Variants in WDR27 observed in about 807,000 individuals in gnomAD.
WDR27 encodes WD repeat domain 27, also known as WD repeat-containing protein 27.
WDR27 carries 100 observed loss-of-function variants against 114.4 expected under a neutral mutation model. The ratio of observed to expected loss-of-function variants is 0.87; its 90% CI spans 0.74 to 1.03. The LOEUF is 1.03. WDR27 is among the 50% of genes least tolerant of loss of function. WDR27 has a pLI of 0.00. For synonymous variants in WDR27, 449 were observed against 423.1 expected (o/e 1.06, Z -0.75); for missense variants, 1,129 against 1,092.9 (o/e 1.03, Z -0.47).
intron 25 of WDR27, among the ~76,000 whole-genome samples, chr6:169,563,621 G>A (rs1799991053): frequency 6.6e-6 from 1 of 152,212 alleles, no homozygotes; most frequent in Non-Finnish European, 1.5e-5. Context: ...CCTGGCCACA[G>A]GGATGCAGCC....
chr6:169,623,630 G>C (rs570340301), intron 21 of WDR27, among the ~76,000 whole-genome samples: 1 of 152,182 alleles, frequency 6.6e-6, no homozygotes, highest in Non-Finnish European at 1.5e-5. Flanking sequence ...GAGCCATGGT[G>C]GGGGAGCATC....
intron 25 of WDR27, among the ~76,000 whole-genome samples, chr6:169,476,103 A>C (rs770800028): frequency 5.3e-5 from 8 of 152,348 alleles, no homozygotes; most frequent in Non-Finnish European, 1.0e-4. Context: ...TGCATGTCTG[A>C]CATAATGTAA....
intron 23 of WDR27, among the ~76,000 whole-genome samples, chr6:169,596,357 T>A (rs985575308): frequency 6.6e-6 from 1 of 152,012 alleles, no homozygotes; most frequent in East Asian, 1.9e-4. Flanking sequence ...CCTATTGTGC[T>A]CTCTGTATTT....
chr6:169,680,193 A>G (rs979111319), intron 2 of WDR27, among the ~76,000 whole-genome samples: 20 of 152,246 alleles, frequency 1.3e-4, no homozygotes, highest in African/African-American at 4.8e-4. Context: ...AGACGGAAAC[A>G]TGCATGTACA....
chr6:169,500,226 C>T (rs1327353897), intron 25 of WDR27, among the ~76,000 whole-genome samples: 2 of 152,094 alleles, frequency 1.3e-5, no homozygotes, highest in African/African-American at 4.8e-5. Context: ...TTTAGCTCAC[C>T]AGTTTGGCCT....
chr6:169,545,794 G>GT (rs1274219180), intron 25 of WDR27, among the ~76,000 whole-genome samples: 1 of 151,974 alleles, frequency 6.6e-6, no homozygotes, highest in Non-Finnish European at 1.5e-5. Context: ...CAAAACACTA[G>GT]TATCTAGACT....
At chr6:169,547,012 T>C (rs1226903173) in intron 25 of WDR27, among the ~76,000 whole-genome samples, 2 of 152,120 alleles carry the variant, frequency 1.3e-5, no homozygotes, top group South Asian at 2.1e-4. Context: ...AGTACAGATC[T>C]TATAATATAA....
At chr6:169,481,183 T>C (rs1157819172) in intron 25 of WDR27, among the ~76,000 whole-genome samples, 5 of 152,070 alleles carry the variant, frequency 3.3e-5, no homozygotes, top group Admixed American at 2.0e-4. Context: ...GTCTAGCTAA[T>C]CTAGTGGGGA....
intron 25 of WDR27, among the ~76,000 whole-genome samples, chr6:169,572,197 G>A (rs760273698): frequency 6.6e-6 from 1 of 152,132 alleles, no homozygotes; most frequent in African/African-American, 2.4e-5. Flanking sequence ...GTAAAACATT[G>A]AGTCTGAAGT....
rs184960250 is a variant in WDR27 at position 169,502,725 on chromosome 6, G to C, written c.2646-45091C>G. On this transcript the variant is annotated intron_variant, in intron 25 of 25. Coordinates refer to ENST00000448612, the MANE Select transcript of WDR27 (RefSeq NM_182552.5). ...CGCACTGGGGCCCTGGGTCACCCGG[G>C]GTGCTCTCCTCATCTCCAGGTCAGC... 1.7e-3 allele frequency among the ~76,000 whole-genome samples: 265 copies of C among 152,182 alleles called. 3 individuals are homozygous for C. Among genetic ancestry groups the C allele is most frequent in the African/African-American group, 5.9e-3 (246 of 41,534 alleles).
rs1005675698 is a variant in WDR27, at chr6:169,503,933, T to C, written c.2646-46299A>G. Among the ~76,000 whole-genome samples the C allele has an allele frequency of 4.6e-5, 7 of 152,100 alleles. No homozygotes were observed. In the South Asian group the frequency reaches 1.5e-3, roughly 32 times the overall value. ...ATCCCTGAAAAGGAAGTCATGCTAATAAGTGAGACAACATTCTGGTTTAAA... is the reference window on the plus strand; with the variant it reads ...ATCCCTGAAAAGGAAGTCATGCTAACAAGTGAGACAACATTCTGGTTTAAA... On this transcript the variant is annotated intron_variant, in intron 25 of 25. Coordinates refer to ENST00000448612, the MANE Select transcript of WDR27 (RefSeq NM_182552.5).
intron 14 of WDR27, among the ~76,000 whole-genome samples, chr6:169,651,670 C>T (rs1822592280): frequency 6.6e-6 from 1 of 152,168 alleles, no homozygotes; most frequent in Admixed American, 6.5e-5. Flanking sequence ...CTCCCGGGAC[C>T]ACCACGTTAT....
intron 25 of WDR27, among the ~76,000 whole-genome samples, chr6:169,566,376 CA>C (rs1039505378): frequency 6.6e-6 from 1 of 152,178 alleles, no homozygotes; most frequent in African/African-American, 2.4e-5. Context: ...AGGGAGCCCC[CA>C]ACCCACAGAG....
intron 25 of WDR27, among the ~76,000 whole-genome samples, chr6:169,563,352 G>A (rs992155043): frequency 3.9e-5 from 6 of 152,088 alleles, no homozygotes; most frequent in African/African-American, 1.2e-4. Flanking sequence ...GAGTCCTGAC[G>A]GGAGCCCACA....
At chr6:169,497,547 C>G (rs568403977) in intron 25 of WDR27, among the ~76,000 whole-genome samples, 159 of 117,172 alleles carry the variant, frequency 1.4e-3, no homozygotes, top group Middle Eastern at 4.3e-3. Context: ...TAGGGAACTC[C>G]TAAAACTACA....
In WDR27 at chr6:169,688,888, T is replaced by G; in HGVS notation, c.118A>C (p.Met40Leu). 1.2e-6 allele frequency: 2 copies of G among 1,614,004 alleles called. No homozygotes were observed. Among genetic ancestry groups the G allele is most frequent in the Non-Finnish European group, 1.7e-6 (2 of 1,179,886 alleles). The change falls in exon 2 of 26, where the codon ATG becomes CTG. Residue 40 changes from methionine to leucine, a missense_variant. Physicochemically the swap from Met to Leu is conservative, Grantham distance 15. Transcript: ENST00000448612. ...TCCAAAGGGAAAGCACAGTCCTGCATGCTGCAAGCAAGCTGAACATGAGAC... is the reference window on the plus strand; with the variant it reads ...TCCAAAGGGAAAGCACAGTCCTGCAGGCTGCAAGCAAGCTGAACATGAGAC... Reference protein sequence around the residue: ...SVSHVQLACSMQDCAFPLDGT... With the variant: ...SVSHVQLACSLQDCAFPLDGT...
At chr6:169,431,842 CT>C in the WDR27 span, among the ~76,000 whole-genome samples, 2 of 152,170 alleles carry the variant, frequency 1.3e-5, no homozygotes, top group Admixed American at 6.6e-5. Context: ...AAGATTGTGG[CT>C]TTATATAAAA....
intron 2 of WDR27, among the ~76,000 whole-genome samples, chr6:169,679,948 G>A (rs1327630731): frequency 6.6e-6 from 1 of 152,154 alleles, no homozygotes; most frequent in Non-Finnish European, 1.5e-5. Flanking sequence ...TTGTATACAT[G>A]AGAACAAAGA....
At chr6:169,552,394 G>A (rs1001895539) in intron 25 of WDR27, among the ~76,000 whole-genome samples, 4 of 152,286 alleles carry the variant, frequency 2.6e-5, no homozygotes, top group Admixed American at 2.0e-4. Flanking sequence ...GCCTGTTCCC[G>A]CTGCAGCCCT....
Sources: gnomAD v4.1 joint callset for allele counts (sites outside exome capture counted in the v4.1 genomes callset) on GRCh38, gnomAD v4.1.1 for gene constraint, MANE v1.5 for transcripts, NCBI Gene and HGNC (gene_info 2026-07-23, HGNC 2026-07-21) for gene names.